CUX2: variants seen among roughly 807,000 people sequenced by gnomAD.
CUX2 encodes homeobox protein cut-like 2.
CUX2 carries 40 observed loss-of-function variants against 144.8 expected under a neutral mutation model. The ratio of observed to expected loss-of-function variants is 0.28; its 90% CI spans 0.21 to 0.36. CUX2 has a LOEUF of 0.36. Ranked by LOEUF, CUX2 falls within the 10% of genes least tolerant of loss-of-function variation. CUX2 has a pLI of 1.00. For missense variants in CUX2, 1,615 were observed against 1,994.0 expected (o/e 0.81, Z 3.62); for synonymous variants, 827 against 875.6 (o/e 0.94, Z 0.98).
chr12:111,305,109 A>C (rs143976954), intron 10 of CUX2, among the ~76,000 whole-genome samples: 12 of 152,204 alleles, frequency 7.9e-5, no homozygotes, highest in African/African-American at 2.9e-4. Flanking sequence ...ATTTCTTGAC[A>C]AGAGACTTTC....
intron 18 of CUX2, among the ~76,000 whole-genome samples, chr12:111,331,826 C>G (rs12313896): frequency 0.019 from 2,872 of 152,100 alleles, 105 homozygotes; most frequent in African/African-American, 0.064. Context: ...AGCCTGTAAT[C>G]CCAGTACTTT....
intron 1 of CUX2, among the ~76,000 whole-genome samples, chr12:111,055,763 G>T (rs1336987907): frequency 6.6e-6 from 1 of 152,246 alleles, no homozygotes; most frequent in African/African-American, 2.4e-5. Flanking sequence ...ACCCCTAGAA[G>T]GTTGGGGCTG....
In CUX2 at chr12:111,184,176, T is replaced by C. The variant is rs146756244; in HGVS notation, c.64-30024T>C. The stretch of plus-strand genomic sequence containing the variant: ...AGGTGCAGCTGTGTGACCCAGTCCT[T>C]CTTTGTCTAAGAACTTATTCTTCAG... On this transcript the variant is annotated intron_variant, in intron 1 of 21. Transcript: ENST00000261726. 1.5e-3 allele frequency among the ~76,000 whole-genome samples: 222 copies of C among 152,322 alleles called. 1 individual carries two copies. The highest frequency in any genetic ancestry group is 3.6e-3 in the Admixed American group (55 of 15,304).
At chr12:111,129,098 T>TATCTA (rs1316722802) in intron 1 of CUX2, among the ~76,000 whole-genome samples, 1 of 152,256 alleles carries the variant, frequency 6.6e-6, no homozygotes, top group East Asian at 1.9e-4. Context: ...GCTATCTCCA[T>TATCTA]GTGCCTCCAC....
chr12:111,247,666 G>GCC, intron 3 of CUX2, among the ~76,000 whole-genome samples: 1 of 152,178 alleles, frequency 6.6e-6, no homozygotes, highest in East Asian at 1.9e-4. Context: ...TCAAGAGGGC[G>GCC]CCTGTTGCTG....
chr12:111,135,563 A>G (rs1875823190), intron 1 of CUX2, among the ~76,000 whole-genome samples: 1 of 152,248 alleles, frequency 6.6e-6, no homozygotes, highest in African/African-American at 2.4e-5. Context: ...CACACTAGCC[A>G]AAAGGTAGAA....
At chr12:111,170,322 G>A (rs4766546) in intron 1 of CUX2, among the ~76,000 whole-genome samples, 5 of 151,738 alleles carry the variant, frequency 3.3e-5, no homozygotes, top group Admixed American at 2.0e-4. Flanking sequence ...CCAGCTACTC[G>A]GGAAGTTGAG....
chr12:111,315,181 C>T (rs139290985), intron 16 of CUX2, among the ~76,000 whole-genome samples: 118 of 152,286 alleles, frequency 7.7e-4, no homozygotes, highest in Middle Eastern at 3.4e-3. Flanking sequence ...GCACATGAGC[C>T]GCTGCCAGGG....
At chr12:111,092,329 G>C (rs1388678133) in intron 1 of CUX2, among the ~76,000 whole-genome samples, 1 of 152,248 alleles carries the variant, frequency 6.6e-6, no homozygotes, top group Admixed American at 6.5e-5. Flanking sequence ...ACAGGGGGCT[G>C]TGTGGTCAGG....
intron 4 of CUX2, among the ~76,000 whole-genome samples, chr12:111,271,005 A>G (rs1438353439): frequency 6.6e-6 from 1 of 152,170 alleles, no homozygotes; most frequent in Non-Finnish European, 1.5e-5. Context: ...GGTGGACGTG[A>G]GGATTCGCTA....
At chr12:111,063,749 A>G (rs1683434336) in intron 1 of CUX2, among the ~76,000 whole-genome samples, 1 of 152,220 alleles carries the variant, frequency 6.6e-6, no homozygotes, top group Non-Finnish European at 1.5e-5. Flanking sequence ...TGCCTCACAC[A>G]TTCTTATTAG....
rs1327989499 is a variant in CUX2 at position 111,263,291 on chromosome 12, C to A, written c.223-470C>A. Among the ~76,000 whole-genome samples, 1 of 152,108 alleles carries A rather than the reference C, an allele frequency of 6.6e-6. No homozygotes were observed. Among genetic ancestry groups the A allele is most frequent in the Admixed American group, 6.6e-5 (1 of 15,256 alleles). On this transcript the variant is annotated intron_variant, in intron 3 of 21. Transcript: ENST00000261726. This position sits in a 1 kb window ranked among gnomAD's most constrained non-coding sequence, Gnocchi z 4.0. ...AGCCTGGGCAACCTGTAGCAAGACCCCATCGCTTAAACAAACAAGAAAAAA... is the reference window on the plus strand; with the variant it reads ...AGCCTGGGCAACCTGTAGCAAGACCACATCGCTTAAACAAACAAGAAAAAA...
At chr12:111,342,294 A>G (rs1249719614) in intron 21 of CUX2, among the ~76,000 whole-genome samples, 1 of 152,076 alleles carries the variant, frequency 6.6e-6, no homozygotes, top group East Asian at 1.9e-4. Context: ...CCCTGGCAAC[A>G]TAGGGAGACC....
In CUX2 at chr12:111,293,957, A is replaced by T. The variant is rs1172040510; in HGVS notation, c.560+388A>T. On this transcript the variant is annotated intron_variant, in intron 6 of 21. Transcript: ENST00000261726. This position sits in a 1 kb window ranked among gnomAD's most constrained non-coding sequence, Gnocchi z 4.5. ...CCAGGTGCAAAATTGGTAGAGCAGG[A>T]GTTGGTGCTGCAATCTTTTTAAATT... Among the ~76,000 whole-genome samples the T allele has an allele frequency of 6.6e-6, 1 of 152,244 alleles. No homozygotes were observed. The highest frequency in any genetic ancestry group is 1.5e-5 in the Non-Finnish European group (1 of 68,050).
chr12:111,094,651 C>A (rs893341329), intron 1 of CUX2, among the ~76,000 whole-genome samples: 56 of 152,172 alleles, frequency 3.7e-4, no homozygotes, highest in African/African-American at 1.3e-3. Flanking sequence ...GCGTGTGCCA[C>A]CATGTCTGGC....
In CUX2 at chr12:111,307,097, G is replaced by C; in HGVS notation, c.1035G>C (p.Lys345Asn). ...ACCTGGAGCGGCAGCTCACGGCCAAGTCCGAGGCCATAGAAGTGGGTCCTG... is the reference window on the plus strand; with the variant it reads ...ACCTGGAGCGGCAGCTCACGGCCAACTCCGAGGCCATAGAAGTGGGTCCTG... ...IADLERQLTAKSEAIEKLEEK... is the reference protein window; with the variant it reads ...IADLERQLTANSEAIEKLEEK... The change falls in exon 11 of 22, where the codon AAG (lysine) becomes AAC (asparagine). Residue 345 changes from lysine (K) to asparagine (N), a missense_variant. Physicochemically the swap from Lys to Asn is moderately conservative, Grantham distance 94. Transcript: ENST00000261726. This position sits in a 1 kb window ranked among gnomAD's most constrained non-coding sequence, Gnocchi z 4.1. 6.2e-7 allele frequency: 1 copy of C among 1,612,950 alleles called. No homozygotes were observed. Among genetic ancestry groups the C allele is most frequent in the East Asian group, 2.2e-5 (1 of 44,846 alleles).
chr12:111,091,927 C>T (rs1057138417), intron 1 of CUX2, among the ~76,000 whole-genome samples: 1 of 152,202 alleles, frequency 6.6e-6, no homozygotes, highest in African/African-American at 2.4e-5. Context: ...CACCCTAATC[C>T]GATATGCTCT....
chr12:111,268,532 T>C lies in CUX2; in HGVS notation c.301+4693T>C, dbSNP rs115001876. ...CCCCATCCCGCGCTCACAGGAACAGTCCAGCCACGTGAGTTTTCCCAGTGA... is the reference window on the plus strand; with the variant it reads ...CCCCATCCCGCGCTCACAGGAACAGCCCAGCCACGTGAGTTTTCCCAGTGA... On this transcript the variant is annotated intron_variant, in intron 4 of 21. Coordinates refer to ENST00000261726, the MANE Select transcript of CUX2 (RefSeq NM_015267.4). Among the ~76,000 whole-genome samples the C allele has an allele frequency of 3.5e-3, 526 of 152,304 alleles. 2 individuals carry two copies. Among genetic ancestry groups the C allele is most frequent in the African/African-American group, 0.012 (485 of 41,572 alleles).
Position 111,190,768 on chromosome 12 carries a change from A to T in CUX2, c.64-23432A>T, listed in dbSNP as rs979695176. Among the ~76,000 whole-genome samples the T allele has an allele frequency of 6.6e-6, 1 of 152,198 alleles. No homozygotes were observed. Among genetic ancestry groups the T allele is most frequent in the Non-Finnish European group, 1.5e-5 (1 of 68,022 alleles). Reference sequence around the variant, plus strand: ...TGCAAGATTGATTTCATTCTTGATCAGTGAAGATCTCTCACTGTTGGGTCT... The same window carrying T: ...TGCAAGATTGATTTCATTCTTGATCTGTGAAGATCTCTCACTGTTGGGTCT... On this transcript the variant is annotated intron_variant, in intron 1 of 21. Transcript: ENST00000261726. This position sits in a 1 kb window ranked among gnomAD's most constrained non-coding sequence, Gnocchi z 4.0.
Sources: gnomAD v4.1 joint callset for allele counts (sites outside exome capture counted in the v4.1 genomes callset) on GRCh38, gnomAD v4.1.1 for gene constraint, Gnocchi (gnomAD v3.1) non-coding constraint, MANE v1.5 for transcripts, NCBI Gene and HGNC (gene_info 2026-07-23, HGNC 2026-07-21) for gene names.